The following CBLB variants were observed in gnomAD, a reference collection of about 807,000 sequenced individuals.
CBLB encodes the protein Cbl proto-oncogene B.
CBLB carries 31 observed loss-of-function variants against 104.9 expected under a neutral mutation model. The ratio of observed to expected loss-of-function variants is 0.30; its 90% CI spans 0.22 to 0.40. CBLB has a LOEUF of 0.40. CBLB is among the 10% of genes least tolerant of loss of function. The pLI is 1.00. For missense variants in CBLB, 1,062 were observed against 1,214.6 expected, an observed-to-expected ratio of 0.87 and a Z score of 1.87; for synonymous variants, 440 against 422.6, an observed-to-expected ratio of 1.04 and a Z score of -0.51.
At chr3:105,782,387 C>T (rs889727273) in intron 3 of CBLB, among the ~76,000 whole-genome samples, 5 of 152,070 alleles carry the variant, frequency 3.3e-5, no homozygotes, top group African/African-American at 1.2e-4. Flanking sequence ...CTAAACTGAT[C>T]ACTTTAAAAG....
intron 7 of CBLB, among the ~76,000 whole-genome samples, chr3:105,737,652 C>T (rs2075098597): frequency 6.6e-6 from 1 of 152,110 alleles, no homozygotes; most frequent in South Asian, 2.1e-4. Context: ...TATCATTTTA[C>T]ACCATGCCTA....
At chr3:105,682,945 G>A (rs145495791) in intron 14 of CBLB, among the ~76,000 whole-genome samples, 2 of 152,286 alleles carry the variant, frequency 1.3e-5, no homozygotes, top group African/African-American at 2.4e-5. Context: ...CTGACAAAGA[G>A]CTATAGAAAT....
At chr3:105,749,636 A>AGTTAG (rs1257548831) in intron 5 of CBLB, 2 of 167,764 alleles carry the variant, frequency 1.2e-5, no homozygotes, top group Non-Finnish European at 2.6e-5. Context: ...TAGAATGAGC[A>AGTTAG]GTTAGGTTTA....
At position 105,783,894 on chromosome 3, in the gene CBLB, C is replaced by T. The variant is rs1486315201; in HGVS notation, c.420-7352G>A. Among the ~76,000 whole-genome samples the T allele has an allele frequency of 2.0e-5, 3 of 152,048 alleles. No individual in the cohort carries two copies. In the East Asian group the frequency reaches 5.8e-4, roughly 29 times the overall value. On this transcript the variant is annotated intron_variant, in intron 3 of 18. Coordinates refer to ENST00000394030, the MANE Select transcript of CBLB (RefSeq NM_170662.5). ...CTCCTGGAATTGTAACAGCAGTATG[C>T]ATGAAGAGAAGGACTACAATAAACC...
intron 13 of CBLB, among the ~76,000 whole-genome samples, chr3:105,689,553 T>C (rs542756176): frequency 2.6e-5 from 4 of 151,276 alleles, no homozygotes; most frequent in Non-Finnish European, 4.4e-5. Flanking sequence ...GAACATTATC[T>C]TACCTGGAAG....
At chr3:105,682,791 C>T (rs2066478922) in intron 14 of CBLB, among the ~76,000 whole-genome samples, 1 of 152,144 alleles carries the variant, frequency 6.6e-6, no homozygotes, top group African/African-American at 2.4e-5. Context: ...GCATGAGCCA[C>T]CGAACCCAGC....
chr3:105,772,035 G>A (rs1045947659), intron 4 of CBLB, among the ~76,000 whole-genome samples: 18 of 152,032 alleles, frequency 1.2e-4, no homozygotes, highest in East Asian at 3.9e-4. Context: ...CCTAAGATTC[G>A]TATGGAACCA....
chr3:105,727,495 G>C (rs1251788923), intron 9 of CBLB, among the ~76,000 whole-genome samples: 2 of 152,076 alleles, frequency 1.3e-5, no homozygotes, highest in Non-Finnish European at 2.9e-5. Context: ...CATTCTGTAG[G>C]TTGTCTGTTC....
At chr3:105,827,059 A>T (rs1291967204) in intron 3 of CBLB, among the ~76,000 whole-genome samples, 1 of 152,212 alleles carries the variant, frequency 6.6e-6, no homozygotes, top group Non-Finnish European at 1.5e-5. Flanking sequence ...AGAGTAGGAC[A>T]TGAATTGTTC....
intron 6 of CBLB, among the ~76,000 whole-genome samples, chr3:105,741,756 T>C (rs12695123): frequency 0.25 from 38,377 of 151,844 alleles, 5,045 homozygotes; most frequent in Non-Finnish European, 0.28. Context: ...CCTGACCTCA[T>C]GATCCACCCG....
At chr3:105,861,162 A>G (rs1244757969) in intron 2 of CBLB, among the ~76,000 whole-genome samples, 1 of 152,124 alleles carries the variant, frequency 6.6e-6, no homozygotes, top group Non-Finnish European at 1.5e-5. Context: ...TAAAATTGTA[A>G]TAATATTATT....
intron 8 of CBLB, 22 bp from the exon 9 acceptor site, chr3:105,734,162 G>A (rs1326086545): frequency 1.9e-6 from 3 of 1,611,870 alleles, no homozygotes; most frequent in Admixed American, 3.3e-5. Context: ...GGAGGAGGGA[G>A]AAAGTAATGT....
In CBLB at chr3:105,734,083, C is replaced by A. The variant is rs760087852; in HGVS notation, c.1129G>T (p.Ala377Ser). The A allele has an allele frequency of 2.5e-6, 4 of 1,613,688 alleles. No homozygotes were observed. In the South Asian group the frequency reaches 4.4e-5, roughly 18 times the overall value. The change falls in exon 9 of 19, where the codon GCA (alanine) becomes TCA (serine). Residue 377 changes from alanine to serine, a missense_variant. By Grantham distance (99) the Ala-to-Ser change is moderately conservative. Transcript: ENST00000394030. ...ATCTTGACATCTTTGTCATTCTCTG[C>A]ACAAATCTTACAGAGCTGAAAAGTG... ...GSTFQLCKICAENDKDVKIEP... is the reference protein window; with the variant it reads ...GSTFQLCKICSENDKDVKIEP...
chr3:105,659,721 T>C (rs995046148), intron 18 of CBLB, among the ~76,000 whole-genome samples: 8 of 152,004 alleles, frequency 5.3e-5, no homozygotes, highest in Non-Finnish European at 1.2e-4. Context: ...CTGAGTCCCA[T>C]CCATGTCACA....
chr3:105,718,857 G>C (rs951453152), intron 10 of CBLB, among the ~76,000 whole-genome samples: 2 of 152,082 alleles, frequency 1.3e-5, no homozygotes, highest in Non-Finnish European at 2.9e-5. Flanking sequence ...AAAGTAATTG[G>C]GATTTCATGT....
chr3:105,717,708 T>C (rs1247611305), intron 10 of CBLB, among the ~76,000 whole-genome samples: 1 of 152,216 alleles, frequency 6.6e-6, no homozygotes, highest in Non-Finnish European at 1.5e-5. Flanking sequence ...GTATTCAAAC[T>C]TATGTCTTCT....
At chr3:105,741,770 C>T (rs1374802484) in intron 6 of CBLB, among the ~76,000 whole-genome samples, 1 of 151,018 alleles carries the variant, frequency 6.6e-6, no homozygotes, top group East Asian at 1.9e-4. Context: ...CCACCCGCCT[C>T]GGCATCCCAA....
chr3:105,742,847 G>A (rs116184737), intron 6 of CBLB, among the ~76,000 whole-genome samples: 153 of 152,186 alleles, frequency 1.0e-3, no homozygotes, highest in African/African-American at 3.3e-3. Flanking sequence ...AGTAGATACT[G>A]AAATACATAC....
At position 105,868,994 on chromosome 3, in the gene CBLB, A is replaced by T; in HGVS notation, c.-273T>A. 1 of 1,051,196 alleles carries T rather than the reference A, an allele frequency of 9.5e-7. No homozygotes were observed. The highest frequency in any genetic ancestry group is 1.1e-6 in the Non-Finnish European group (1 of 872,542). 65.1% of individuals were successfully genotyped at this position (1,051,196 alleles called of 1,614,324 possible). On this transcript the variant is annotated 5_prime_UTR_variant, in exon 1 of 19. Transcript: ENST00000394030. ...ACGCCGCAGCAGCACTAGCAGGAGG[A>T]GGAGACCGCTCGCTGGACACCCCAC...
Sources: allele counts gnomAD v4.1 joint callset (sites outside exome capture counted in the v4.1 genomes callset), GRCh38; gene constraint gnomAD v4.1.1; transcripts MANE v1.5; gene names NCBI Gene and HGNC (gene_info 2026-07-23, HGNC 2026-07-21).